The following CTPS1 variants were observed in gnomAD, a reference collection of about 807,000 sequenced individuals.
CTPS1 encodes CTP synthetase 1.
CTPS1 carries 25 observed loss-of-function variants against 80.5 expected under a neutral mutation model. The ratio of observed to expected loss-of-function variants is 0.31; its 90% CI spans 0.23 to 0.43. The LOEUF (loss-of-function observed/expected upper bound fraction) is 0.43, where lower values mean the gene tolerates loss of function less well. Ranked by LOEUF, CTPS1 falls within the 20% of genes least tolerant of loss-of-function variation. The pLI is 1.00. For synonymous variants in CTPS1, 267 were observed against 252.5 expected (o/e 1.06, Z -0.54); for missense variants, 442 against 725.7 (o/e 0.61, Z 4.49).
intron 13 of CTPS1, among the ~76,000 whole-genome samples, chr1:41,006,822 G>A (rs755490874): frequency 2.0e-5 from 3 of 152,170 alleles, no homozygotes; most frequent in Non-Finnish European, 2.9e-5. Flanking sequence ...TTGATCTCAC[G>A]GCACTTAGAC....
chr1:41,011,927 C>T lies in CTPS1; in HGVS notation c.*279C>T, dbSNP rs1643182881. 1 of 152,126 alleles carries T rather than the reference C, an allele frequency of 6.6e-6. No homozygotes were observed. Among genetic ancestry groups the T allele is most frequent in the African/African-American group, 2.4e-5 (1 of 41,420 alleles). 9.4% of individuals were successfully genotyped at this position (152,126 alleles called of 1,614,324 possible). A position where few individuals can be genotyped will look rare whatever the true frequency, so the allele number is the denominator to read the frequency against. On this transcript the variant is annotated 3_prime_UTR_variant, in exon 19 of 19. Coordinates refer to ENST00000650070, the MANE Select transcript of CTPS1 (RefSeq NM_001905.4). Reference sequence around the variant, plus strand: ...ATGGTGGGTGGGGCTGCAGAGTGCCCCATCGGTCACCTTGTTTCTCAACTA... The same window carrying T: ...ATGGTGGGTGGGGCTGCAGAGTGCCTCATCGGTCACCTTGTTTCTCAACTA...
intron 2 of CTPS1, 118 bp downstream of exon 2, chr1:40,983,574 C>G (rs931348150): frequency 1.3e-6 from 1 of 743,436 alleles, no homozygotes; most frequent in Non-Finnish European, 2.2e-6. Flanking sequence ...TCCCTTAATA[C>G]AGCAGAATGA....
chr1:41,009,716 G>GT, intron 17 of CTPS1, 127 bp downstream of exon 17: 2 of 1,127,954 alleles, frequency 1.8e-6, no homozygotes. Flanking sequence ...TGGGGTGAAA[G>GT]TTTCCTCTCC....
chr1:40,986,236 C>T (rs950373921), intron 3 of CTPS1, among the ~76,000 whole-genome samples: 11 of 152,172 alleles, frequency 7.2e-5, no homozygotes, highest in Admixed American at 3.3e-4. Flanking sequence ...GGCAGGTGGT[C>T]GGGGAGTCTC....
chr1:40,996,552 T>C (rs1642757185), intron 8 of CTPS1, among the ~76,000 whole-genome samples: 1 of 152,180 alleles, frequency 6.6e-6, no homozygotes, highest in Non-Finnish European at 1.5e-5. Context: ...GGCTCGGTGA[T>C]GCTGTCACAT....
At chr1:40,991,608 C>A (rs74068298) in intron 6 of CTPS1, among the ~76,000 whole-genome samples, 157 bp from the exon 7 acceptor site, 1,844 of 152,234 alleles carry the variant, frequency 0.012, 45 homozygotes, top group African/African-American at 0.042. Flanking sequence ...AGCTTTGAAA[C>A]GAGTCATAAT....
chr1:40,996,212 C>A, intron 8 of CTPS1, 144 bp downstream of exon 8: 2 of 878,796 alleles, frequency 2.3e-6, no homozygotes, highest in South Asian at 1.6e-5. Context: ...AAGAGATGTT[C>A]AGAAAGGATC....
intron 7 of CTPS1, among the ~76,000 whole-genome samples, chr1:40,994,521 G>T (rs1012287499): frequency 6.6e-6 from 1 of 152,152 alleles, no homozygotes; most frequent in Admixed American, 6.5e-5. Context: ...AGACCCTGCT[G>T]ACCTCTGTCC....
chr1:40,985,407 G>A (rs899664843), intron 3 of CTPS1, among the ~76,000 whole-genome samples: 3 of 152,184 alleles, frequency 2.0e-5, no homozygotes, highest in African/African-American at 7.2e-5. Flanking sequence ...TGTGTATACT[G>A]GTTTCCAGGC....
rs969262961 is a variant in CTPS1, at chr1:41,007,835, A to G, written c.1393+290A>G. On this transcript the variant is annotated intron_variant, in intron 14 of 18. Transcript: ENST00000650070. This position sits in a 1 kb window ranked among gnomAD's most constrained non-coding sequence, Gnocchi z 4.4. The stretch of plus-strand genomic sequence containing the variant: ...ATTCATCCTTATCGGTTACTTTCCT[A>G]TTAAGACCAGCCATATCAATTGCTG... Among the ~76,000 whole-genome samples the G allele has an allele frequency of 6.6e-6, 1 of 152,214 alleles. No homozygotes were observed. Among genetic ancestry groups the G allele is most frequent in the Non-Finnish European group, 1.5e-5 (1 of 68,044 alleles).
At chr1:41,009,136 G>A (rs1643106302) in intron 16 of CTPS1, among the ~76,000 whole-genome samples, 3 of 152,246 alleles carry the variant, frequency 2.0e-5, no homozygotes, top group Admixed American at 6.5e-5. Context: ...AATGCTTGGA[G>A]TTGGTACTAA....
At chr1:40,993,987 C>T (rs1157860886) in intron 7 of CTPS1, among the ~76,000 whole-genome samples, 1 of 152,022 alleles carries the variant, frequency 6.6e-6, no homozygotes, top group Non-Finnish European at 1.5e-5. Flanking sequence ...CCAAGTTGGC[C>T]AGGCTGGTTG....
chr1:41,011,335 T>A (rs1643167512), intron 18 of CTPS1, among the ~76,000 whole-genome samples: 1 of 152,166 alleles, frequency 6.6e-6, no homozygotes, highest in Non-Finnish European at 1.5e-5. Context: ...CTGTTACCAG[T>A]GAAGGAGGTA....
intron 2 of CTPS1, among the ~76,000 whole-genome samples, chr1:40,984,245 A>G (rs1642395661): frequency 6.6e-6 from 1 of 152,182 alleles, no homozygotes. Context: ...CTTGTCTCCT[A>G]TTGTGATGGT....
intron 7 of CTPS1, among the ~76,000 whole-genome samples, chr1:40,992,112 A>G (rs191221276): frequency 2.0e-4 from 31 of 151,962 alleles, no homozygotes; most frequent in African/African-American, 6.5e-4. Context: ...CACTCTCCCT[A>G]TGATTGTACT....
chr1:40,986,432 C>A (rs1208240425), intron 3 of CTPS1, among the ~76,000 whole-genome samples: 2 of 152,222 alleles, frequency 1.3e-5, no homozygotes, highest in African/African-American at 4.8e-5. Context: ...TCTACCCAGT[C>A]GCTGGGCCGC....
intron 1 of CTPS1, 76 bp downstream of exon 1, chr1:40,979,905 C>T (rs1570931237): frequency 6.6e-6 from 1 of 152,188 alleles, no homozygotes; most frequent in Non-Finnish European, 1.5e-5. Flanking sequence ...GAGCCCGGCG[C>T]CGAATAGCCC....
intron 9 of CTPS1, 197 bp from the exon 10 acceptor site, chr1:41,000,832 T>G: frequency 3.3e-6 from 1 of 304,580 alleles, no homozygotes; most frequent in Non-Finnish European, 6.0e-6. Flanking sequence ...TGTTGTATTT[T>G]AAAACCTCAT....
At chr1:41,004,858 G>A (rs1372856426) in intron 12 of CTPS1, among the ~76,000 whole-genome samples, 2 of 152,208 alleles carry the variant, frequency 1.3e-5, no homozygotes, top group Non-Finnish European at 2.9e-5. Flanking sequence ...GCTGGGCATG[G>A]TGGTTCAGGC....
Sources: gnomAD v4.1 joint callset for allele counts (sites outside exome capture counted in the v4.1 genomes callset) on GRCh38, gnomAD v4.1.1 for gene constraint, Gnocchi (gnomAD v3.1) non-coding constraint, MANE v1.5 for transcripts, NCBI Gene and HGNC (gene_info 2026-07-23, HGNC 2026-07-21) for gene names.